The following DPY19L4 variants were observed in gnomAD, a reference collection of about 807,000 sequenced individuals.
The protein encoded by DPY19L4 is dpy-19 like 4, also known as probable C-mannosyltransferase DPY19L4.
A neutral mutation model predicts 102.8 loss-of-function variants in DPY19L4; 97 were observed. The observed-to-expected ratio is 0.94, with a 90% CI of 0.80 to 1.12. The LOEUF (loss-of-function observed/expected upper bound fraction) is 1.12, where lower values mean the gene tolerates loss of function less well. Among genes scored for constraint, DPY19L4 ranks in the 50% most tolerant of loss-of-function variants. The pLI, the probability that DPY19L4 is intolerant of heterozygous loss-of-function variation, is 0.00. For synonymous variants in DPY19L4, 252 were observed against 283.1 expected (o/e 0.89, Z 1.10); for missense variants, 815 against 850.4 (o/e 0.96, Z 0.52).
In DPY19L4 at chr8:94,789,808, C is replaced by G. The variant is rs762971285; in HGVS notation, c.2070C>G (p.Val690=). 1.9e-6 allele frequency: 3 copies of G among 1,611,728 alleles called. No individual in the cohort carries two copies. The highest frequency in any genetic ancestry group is 2.7e-5 in the African/African-American group (2 of 74,778). ...YSKYGRFCHE[V]KINYSPYVNY... is the part of the protein sequence containing the mutation. The stretch of plus-strand genomic sequence containing the variant: ...AATATGGGCGATTTTGTCATGAGGT[C>G]AAAATTAACTATTCTCCATATGTGA... The change falls in exon 19 of 19, where the codon GTC becomes GTG. Residue 690 remains valine, a synonymous_variant. Transcript: ENST00000414645.
At chr8:94,784,006 G>A (rs1055450357) in intron 17 of DPY19L4, among the ~76,000 whole-genome samples, 3 of 152,254 alleles carry the variant, frequency 2.0e-5, no homozygotes. Flanking sequence ...TAAGTTCTTT[G>A]TTTTATGAAT....
chr8:94,740,733 G>A (rs142754108), intron 6 of DPY19L4, among the ~76,000 whole-genome samples: 1 of 152,160 alleles, frequency 6.6e-6, no homozygotes, highest in South Asian at 2.1e-4. Context: ...GGGATTACAG[G>A]TGTGAGCCAC....
At position 94,768,416 on chromosome 8, in the gene DPY19L4, C is replaced by G. The variant is rs759988481; in HGVS notation, c.1197C>G (p.Leu399=). ...ATAGGAATTTTACAATGAATTGGCT[C>G]CTCTGTCAAGAATCCCTGCAGGCAC... ...NMTKNFTMNW[L]LCQESLQAPS... Residue 399 remains leucine, a synonymous_variant, in exon 12 of 19, where the codon CTC becomes CTG. Coordinates refer to ENST00000414645, the MANE Select transcript of DPY19L4 (RefSeq NM_181787.3). The G allele has an allele frequency of 4.4e-6, 7 of 1,599,342 alleles. No individual in the cohort carries two copies. The highest frequency in any genetic ancestry group is 6.0e-6 in the Non-Finnish European group (7 of 1,176,244).
Position 94,777,719 on chromosome 8 carries a change from G to C in DPY19L4, c.1508G>C (p.Cys503Ser). Residue 503 changes from cysteine (C) to serine (S), a missense_variant, in exon 14 of 19, where the codon TGT becomes TCT. Coordinates refer to ENST00000414645, the MANE Select transcript of DPY19L4 (RefSeq NM_181787.3). ...TGCATGTTAGCAGCATTTGGTGTAT[G>C]TTCTCCCGAACTTTGGATGACACTT... is the stretch of plus-strand genomic sequence containing the variant. ...YVCMLAAFGV[C>S]SPELWMTLFK... is the part of the protein sequence containing the mutation. 6.2e-7 allele frequency: 1 copy of C among 1,614,010 alleles called. No individual in the cohort carries two copies. Among genetic ancestry groups the C allele is most frequent in the Non-Finnish European group, 8.5e-7 (1 of 1,179,974 alleles).
intron 12 of DPY19L4, among the ~76,000 whole-genome samples, chr8:94,769,623 A>C (rs997595980): frequency 6.6e-6 from 1 of 151,976 alleles, no homozygotes; most frequent in African/African-American, 2.4e-5. Flanking sequence ...AGGCTGACGC[A>C]GGAGGATTGC....
At chr8:94,742,512 C>T (rs1811490145) in intron 6 of DPY19L4, among the ~76,000 whole-genome samples, 1 of 151,566 alleles carries the variant, frequency 6.6e-6, no homozygotes, top group Non-Finnish European at 1.5e-5. Flanking sequence ...CCCACCTCAG[C>T]CTCCCCAGTA....
At chr8:94,759,641 G>A (rs1812319660) in intron 7 of DPY19L4, among the ~76,000 whole-genome samples, 1 of 151,548 alleles carries the variant, frequency 6.6e-6, no homozygotes, top group Admixed American at 6.6e-5. Flanking sequence ...CAAGTAGCTG[G>A]GATTACTGGC....
In DPY19L4 at chr8:94,773,285, T is replaced by G. The variant is rs548837793; in HGVS notation, c.1454+2714T>G. 7.9e-5 allele frequency among the ~76,000 whole-genome samples: 12 copies of G among 152,160 alleles called. No individual in the cohort carries two copies. In the South Asian group the frequency reaches 1.7e-3, roughly 21 times the overall value. On this transcript the variant is annotated intron_variant, in intron 13 of 18. Coordinates refer to ENST00000414645, the MANE Select transcript of DPY19L4 (RefSeq NM_181787.3). ...AAGTTAATTATTCTTAAGTTGTAAT[T>G]CATATAGGAGCATCTTATCTTTCTT...
chr8:94,787,479 T>C (rs1813704221), intron 17 of DPY19L4, among the ~76,000 whole-genome samples: 1 of 152,108 alleles, frequency 6.6e-6, no homozygotes, highest in Non-Finnish European at 1.5e-5. Flanking sequence ...TGCAAATAGA[T>C]TGGAATCTTA....
At chr8:94,777,809 T>A (rs1486756031) in intron 14 of DPY19L4, 23 bp downstream of exon 14, 1 of 1,594,494 alleles carries the variant, frequency 6.3e-7, no homozygotes, top group Non-Finnish European at 8.6e-7. Flanking sequence ...TTTGCATTGT[T>A]TCTCTTCTAA....
chr8:94,744,336 T>C (rs1563584019), intron 6 of DPY19L4: 1 of 456,534 alleles, frequency 2.2e-6, no homozygotes, highest in South Asian at 1.5e-5. Flanking sequence ...TATGGGCCTC[T>C]CCATAGGGCA....
chr8:94,770,716 A>G, intron 13 of DPY19L4, 145 bp downstream of exon 13: 1 of 1,015,846 alleles, frequency 9.8e-7, no homozygotes, highest in Non-Finnish European at 1.4e-6. Context: ...GACTCTGTCA[A>G]CACTCAACAT....
chr8:94,770,573 T>C lies in DPY19L4; in HGVS notation c.1454+2T>C. The C allele has an allele frequency of 1.2e-6, 2 of 1,613,308 alleles. No homozygotes were observed. The highest frequency in any genetic ancestry group is 2.2e-5 in the South Asian group (2 of 90,892). ...TTCTCTTGCAATGGTTATAGAAGGGTAAGTGTACTTTATTTGATCCCTTTG... is the reference window on the plus strand; with the variant it reads ...TTCTCTTGCAATGGTTATAGAAGGGCAAGTGTACTTTATTTGATCCCTTTG... On this transcript the variant is annotated splice_donor_variant, in intron 13 of 18. Transcript: ENST00000414645. LOFTEE classifies it high-confidence loss of function.
chr8:94,788,002 C>T lies in DPY19L4; in HGVS notation c.1957C>T (p.Pro653Ser), dbSNP rs201689772. 40 of 1,511,564 alleles carry T rather than the reference C, an allele frequency of 2.6e-5. No individual in the cohort carries two copies. The African/African-American group carries it at 5.0e-4, about 19-fold the overall frequency. 93.6% of individuals were successfully genotyped at this position (1,511,564 alleles called of 1,614,324 possible). ...VEDAICNEVGPMRGCRVKDLL... is the reference protein window; with the variant it reads ...VEDAICNEVGSMRGCRVKDLL... ...GGATGCTATCTGCAATGAGGTGGGA[C>T]CCATGAGAGGCTGTAGGGTTAAAGA... Residue 653 changes from proline (P) to serine (S), a missense_variant, in exon 18 of 19, where the codon CCC (proline) becomes TCC (serine). By Grantham distance (74) the Pro-to-Ser change is moderately conservative. Coordinates refer to ENST00000414645, the MANE Select transcript of DPY19L4 (RefSeq NM_181787.3).
At position 94,787,981 on chromosome 8, in the gene DPY19L4, G is replaced by T; in HGVS notation, c.1936G>T (p.Ala646Ser). ...AGCTAATTACCTAATTGTAGAGGAT[G>T]CTATCTGCAATGAGGTGGGACCCAT... is the stretch of plus-strand genomic sequence containing the variant. ...YKANYLIVED[A>S]ICNEVGPMRG... The change falls in exon 18 of 19, where the codon GCT (alanine) becomes TCT (serine). Residue 646 changes from alanine to serine, a missense_variant. Coordinates refer to ENST00000414645, the MANE Select transcript of DPY19L4 (RefSeq NM_181787.3). 1 of 1,522,844 alleles carries T rather than the reference G, an allele frequency of 6.6e-7. No individual in the cohort carries two copies. Among genetic ancestry groups the T allele is most frequent in the East Asian group, 2.6e-5 (1 of 38,818 alleles). The allele number at this position is 1,522,844 out of a possible 1,614,324, so 94.3% of individuals were successfully genotyped here.
At chr8:94,734,462 T>G (rs912436184) in intron 2 of DPY19L4, among the ~76,000 whole-genome samples, 168 bp from the exon 3 acceptor site, 2 of 152,182 alleles carry the variant, frequency 1.3e-5, no homozygotes, top group Non-Finnish European at 2.9e-5. Flanking sequence ...GTTTGAGAGA[T>G]ATATTTATAG....
chr8:94,731,055 C>CA (rs57246749), intron 2 of DPY19L4, among the ~76,000 whole-genome samples: 1,608 of 103,192 alleles, frequency 0.016, 15 homozygotes, highest in African/African-American at 0.035. Flanking sequence ...AACTCTGTCT[C>CA]AAAAAAAAAA....
At chr8:94,739,293 C>A in intron 4 of DPY19L4, 120 bp from the exon 5 acceptor site, 4 of 1,213,786 alleles carry the variant, frequency 3.3e-6, no homozygotes, top group Non-Finnish European at 2.2e-6. Context: ...GAAAATGCAG[C>A]ATGGAGTATT....
rs1812404977 is a variant in DPY19L4 at position 94,761,806 on chromosome 8, A to G, written c.842A>G (p.Asp281Gly). 1 of 1,609,668 alleles carries G rather than the reference A, an allele frequency of 6.2e-7. No homozygotes were observed. The highest frequency in any genetic ancestry group is 1.3e-5 in the African/African-American group (1 of 74,818). ...CAAGCAATATCTCTATTCCTGCTAGATACCTTTTCAGTGGAGCAAAGTGAC... is the reference window on the plus strand; with the variant it reads ...CAAGCAATATCTCTATTCCTGCTAGGTACCTTTTCAGTGGAGCAAAGTGAC... ...FLQAISLFLLDTFSVEQSDKV... is the reference protein window; with the variant it reads ...FLQAISLFLLGTFSVEQSDKV... The change falls in exon 8 of 19, where the codon GAT (aspartate) becomes GGT (glycine). Residue 281 changes from aspartate (D) to glycine (G), a missense_variant. Physicochemically the swap from Asp to Gly is moderately conservative, Grantham distance 94. Transcript: ENST00000414645.
Sources: allele counts gnomAD v4.1 joint callset (sites outside exome capture counted in the v4.1 genomes callset), GRCh38; gene constraint gnomAD v4.1.1; transcripts MANE v1.5; gene names NCBI Gene and HGNC (gene_info 2026-07-23, HGNC 2026-07-21).